Variants in WDR20 observed in about 807,000 individuals in gnomAD.
WDR20 encodes WD repeat-containing protein 20.
In WDR20, 3 loss-of-function variants were observed where a neutral mutation model predicts 38.7. The observed-to-expected ratio is 0.08, with a 90% CI of 0.04 to 0.20. The LOEUF (loss-of-function observed/expected upper bound fraction) is 0.20. Among genes scored for constraint, WDR20 ranks in the 10% least tolerant of loss-of-function variants. WDR20 has a pLI of 1.00. For missense variants in WDR20, 559 were observed against 727.7 expected (o/e 0.77, Z 2.67); for synonymous variants, 298 against 285.6 (o/e 1.04, Z -0.44).
In WDR20 at chr14:102,147,992, A is replaced by G. The variant is rs2152702281; in HGVS notation, c.249+7820A>G. Among the ~76,000 whole-genome samples the G allele has an allele frequency of 1.3e-5, 2 of 152,326 alleles. 1 individual carries two copies. The highest frequency in any genetic ancestry group is 6.8e-3 in the Middle Eastern group (2 of 294). Reference sequence around the variant, plus strand: ...GTGATCCACCTGCCTGGGCCTCCCAAAGTGCTGGGATTACAGGCGTGGGCT... The same window carrying G: ...GTGATCCACCTGCCTGGGCCTCCCAGAGTGCTGGGATTACAGGCGTGGGCT... On this transcript the variant is annotated intron_variant, in intron 1 of 2. Transcript: ENST00000342702.
intron 1 of WDR20, among the ~76,000 whole-genome samples, chr14:102,181,215 G>A (rs1007787625): frequency 7.2e-5 from 11 of 152,132 alleles, no homozygotes; most frequent in African/African-American, 2.7e-4. Context: ...ATGGCACTGT[G>A]TTATAAATAA....
chr14:102,215,879 A>G (rs2063159219), downstream of WDR20, among the ~76,000 whole-genome samples: 1 of 152,206 alleles, frequency 6.6e-6, no homozygotes, highest in South Asian at 2.1e-4. Context: ...CAGACGACGT[A>G]GCTGATCTGA....
intron 2 of WDR20, chr14:102,197,801 A>C (rs186198698): frequency 1.4e-6 from 1 of 702,862 alleles, no homozygotes; most frequent in Non-Finnish European, 2.6e-6. Context: ...GAAGAAAGAC[A>C]GAATGAAGGT....
At chr14:102,181,211 C>T (rs576233187) in intron 1 of WDR20, among the ~76,000 whole-genome samples, 6 of 152,168 alleles carry the variant, frequency 3.9e-5, no homozygotes, top group African/African-American at 1.4e-4. Context: ...GTTCATGGCA[C>T]TGTGTTATAA....
intron 1 of WDR20, among the ~76,000 whole-genome samples, chr14:102,160,231 C>T (rs980226085): frequency 6.6e-6 from 1 of 152,118 alleles, no homozygotes; most frequent in Non-Finnish European, 1.5e-5. Context: ...AGTTTTAGAA[C>T]AGGAGAGATT....
intron 1 of WDR20, among the ~76,000 whole-genome samples, chr14:102,177,224 C>T (rs921460252): frequency 1.3e-5 from 2 of 152,234 alleles, no homozygotes; most frequent in African/African-American, 4.8e-5. Flanking sequence ...ATTGTTTTCA[C>T]ACACTTGTTT....
chr14:102,149,841 T>C (rs1190578), intron 1 of WDR20, among the ~76,000 whole-genome samples: 125,338 of 152,098 alleles, frequency 0.82, 52,456 homozygotes, highest in East Asian at 0.97. Context: ...TGCAGGCACA[T>C]GCCACCACGC....
At chr14:102,165,909 G>T (rs959019599) in intron 1 of WDR20, among the ~76,000 whole-genome samples, 1 of 151,718 alleles carries the variant, frequency 6.6e-6, no homozygotes, top group East Asian at 1.9e-4. Flanking sequence ...TGAAGTGCTG[G>T]GATTACCGGC....
downstream of WDR20, chr14:102,212,645 G>A (rs1320367465): frequency 2.1e-5 from 32 of 1,532,860 alleles, no homozygotes; most frequent in East Asian, 4.9e-5. Context: ...CCTTCTCCTC[G>A]GCTGTGCTTC....
Position 102,208,758 on chromosome 14 carries a change from A to G in WDR20, c.588A>G (p.Gly196=). 1 of 1,614,240 alleles carries G rather than the reference A, an allele frequency of 6.2e-7. No homozygotes were observed. The highest frequency in any genetic ancestry group is 8.5e-7 in the Non-Finnish European group (1 of 1,180,044). ...CCCACTACCAGCTTCTGAAGCAGGG[A>G]GAGAGCTTTGCCGTGCACACTTGCA... is the stretch of plus-strand genomic sequence containing the variant. ...TAPHYQLLKQ[G]ESFAVHTCKS... The change falls in exon 3 of 3, where the codon GGA becomes GGG. Residue 196 remains glycine (G), a synonymous_variant. Transcript: ENST00000342702. The surrounding 1 kb of genome is among the most constrained non-coding windows in gnomAD (Gnocchi z 5.6).
Position 102,221,053 on chromosome 14 carries a change from A to G in WDR20, c.1693-1777A>G, listed in dbSNP as rs2063831101. Among the ~76,000 whole-genome samples, 2 of 152,168 alleles carry G rather than the reference A, an allele frequency of 1.3e-5. No individual in the cohort carries two copies. Among genetic ancestry groups the G allele is most frequent in the Non-Finnish European group, 2.9e-5 (2 of 68,026 alleles). ...CAGGGCTGGCTGTCACTTGTTTTTAAGTTGTTAAACGTGCTCCCGGGAAGC... is the reference window on the plus strand; with the variant it reads ...CAGGGCTGGCTGTCACTTGTTTTTAGGTTGTTAAACGTGCTCCCGGGAAGC... On this transcript the variant is annotated intron_variant, in intron 3 of 3. Coordinates refer to the WDR20 transcript ENST00000335263. This position sits in a 1 kb window ranked among gnomAD's most constrained non-coding sequence, Gnocchi z 4.8.
intron 1 of WDR20, among the ~76,000 whole-genome samples, chr14:102,186,784 T>C (rs1450884178): frequency 6.6e-6 from 1 of 151,974 alleles, no homozygotes; most frequent in Non-Finnish European, 1.5e-5. Context: ...ATCCCGTCTC[T>C]ATTAAAAATA....
rs1180738049 is a variant in WDR20 at position 102,161,121 on chromosome 14, CATATATATAT to C, written c.249+20962_249+20971del. On this transcript the variant is annotated intron_variant, in intron 1 of 2. Coordinates refer to ENST00000342702, the MANE Select transcript of WDR20 (RefSeq NM_144574.4). ...GATACACTGGGTCAAAGCATAACTG[CATATATATAT>C]ATATATATATATTTTTTTTTTTTTT... Among the ~76,000 whole-genome samples the C allele has an allele frequency of 5.4e-3, 60 of 11,132 alleles. 4 individuals carry two copies. The highest frequency in any genetic ancestry group is 7.4e-3 in the South Asian group (1 of 136). The allele number at this position is 11,132 out of a possible 152,430, so 7.3% of individuals were successfully genotyped here.
At chr14:102,181,811 G>A (rs1009987041) in intron 1 of WDR20, among the ~76,000 whole-genome samples, 6 of 151,974 alleles carry the variant, frequency 3.9e-5, no homozygotes, top group Non-Finnish European at 8.8e-5. Flanking sequence ...GTTGACAAGC[G>A]TTAAGTTTTG....
At chr14:102,173,527 A>T (rs1464404086) in intron 1 of WDR20, among the ~76,000 whole-genome samples, 1 of 150,780 alleles carries the variant, frequency 6.6e-6, no homozygotes, top group African/African-American at 2.4e-5. Context: ...GGTTACATGG[A>T]TAAATTCTTC....
chr14:102,142,810 C>T (rs1358277267), intron 1 of WDR20, among the ~76,000 whole-genome samples: 1 of 101,766 alleles, frequency 9.8e-6, no homozygotes, highest in Non-Finnish European at 1.9e-5. Context: ...TCCTTTGAGG[C>T]GTGTAAAATT....
chr14:102,171,042 A>C (rs2060700484), intron 1 of WDR20, among the ~76,000 whole-genome samples: 2 of 151,966 alleles, frequency 1.3e-5, no homozygotes, highest in Admixed American at 1.3e-4. Context: ...GCTCACTGCA[A>C]CCTCTGTCTC....
chr14:102,194,100 C>G (rs570570375), intron 1 of WDR20, among the ~76,000 whole-genome samples: 16 of 152,210 alleles, frequency 1.1e-4, no homozygotes, highest in Admixed American at 1.0e-3. Flanking sequence ...CCAGCCCTGC[C>G]ACTTACTTAG....
In WDR20 at chr14:102,172,631, C is replaced by G. The variant is rs1275556758; in HGVS notation, c.250-22307C>G. 1.3e-4 allele frequency among the ~76,000 whole-genome samples: 19 copies of G among 148,332 alleles called. 2 individuals carry two copies. Among genetic ancestry groups the G allele is most frequent in the Non-Finnish European group, 2.9e-4 (19 of 65,990 alleles). On this transcript the variant is annotated intron_variant, in intron 1 of 2. Transcript: ENST00000342702. ...GCGGCCTGGCAGAGGCGCCCCTCAC[C>G]TCCCGGACGGGGCGGCTGGCCGGGC...
Sources: gnomAD v4.1 joint callset for allele counts (sites outside exome capture counted in the v4.1 genomes callset) on GRCh38, gnomAD v4.1.1 for gene constraint, Gnocchi (gnomAD v3.1) non-coding constraint, MANE v1.5 for transcripts, NCBI Gene and HGNC (gene_info 2026-07-23, HGNC 2026-07-21) for gene names.